PLXDC1: variants seen among roughly 807,000 people sequenced by gnomAD.
The protein encoded by PLXDC1 is plexin domain-containing protein 1.
PLXDC1 carries 39 observed loss-of-function variants against 61.3 expected under a neutral mutation model. That is an observed-to-expected ratio of 0.64 (90% CI 0.49 to 0.83). The LOEUF is 0.83. Ranked by LOEUF, PLXDC1 falls within the 40% of genes least tolerant of loss-of-function variation. The pLI, the probability that PLXDC1 is intolerant of heterozygous loss-of-function variation, is 0.00. For missense variants in PLXDC1, 596 were observed against 666.5 expected, an observed-to-expected ratio of 0.89 and a Z score of 1.17; for synonymous variants, 212 against 254.5, an observed-to-expected ratio of 0.83 and a Z score of 1.59.
intron 2 of PLXDC1, among the ~76,000 whole-genome samples, chr17:39,122,384 A>G (rs1911192496): frequency 6.7e-6 from 1 of 148,926 alleles, no homozygotes; most frequent in South Asian, 2.2e-4. Flanking sequence ...GTCTCAAAAA[A>G]AAAAAAAAAA....
chr17:39,115,656 G>A (rs1749865695), intron 2 of PLXDC1, among the ~76,000 whole-genome samples: 1 of 152,212 alleles, frequency 6.6e-6, no homozygotes, highest in Admixed American at 6.5e-5. Flanking sequence ...CACAAAGCCT[G>A]CAGGGGAGCA....
intron 2 of PLXDC1, among the ~76,000 whole-genome samples, chr17:39,138,518 C>T (rs897785385): frequency 3.9e-5 from 6 of 152,068 alleles, no homozygotes; most frequent in African/African-American, 1.4e-4. Flanking sequence ...CTCCCTGAGC[C>T]GCAGCAGGCC....
At chr17:39,145,544 G>A (rs2045334985) in intron 1 of PLXDC1, among the ~76,000 whole-genome samples, 1 of 152,162 alleles carries the variant, frequency 6.6e-6, no homozygotes, top group Non-Finnish European at 1.5e-5. Context: ...CCTAGAGGGT[G>A]AACTTGATTC....
At position 39,095,237 on chromosome 17, in the gene PLXDC1, G is replaced by A. The variant is rs188962658; in HGVS notation, c.812-7535C>T. On this transcript the variant is annotated intron_variant, in intron 7 of 13. Coordinates refer to ENST00000315392, the MANE Select transcript of PLXDC1 (RefSeq NM_020405.5). ...GGAGGCTGAGTGGTGGCAGAAAGGG[G>A]GATGAGGGTGGGGGGTGGAACTATA... is the stretch of plus-strand genomic sequence containing the variant. Among the ~76,000 whole-genome samples, 538 of 151,620 alleles carry A rather than the reference G, an allele frequency of 3.5e-3. 3 individuals carry two copies. Among genetic ancestry groups the A allele is most frequent in the African/African-American group, 0.012 (495 of 41,210 alleles).
At chr17:39,103,771 G>C (rs529725380) in intron 7 of PLXDC1, among the ~76,000 whole-genome samples, 1 of 151,534 alleles carries the variant, frequency 6.6e-6, no homozygotes, top group Non-Finnish European at 1.5e-5. Context: ...ACTCGAACCC[G>C]GGAGGCAAAG....
At chr17:39,128,097 G>GTGTATATA (rs1911379292) in intron 2 of PLXDC1, among the ~76,000 whole-genome samples, 1 of 67,478 alleles carries the variant, frequency 1.5e-5, no homozygotes, top group African/African-American at 7.3e-5. Context: ...CTCTCTATGT[G>GTGTATATA]TATATATATA....
intron 2 of PLXDC1, among the ~76,000 whole-genome samples, chr17:39,127,881 C>A (rs1304836544): frequency 1.5e-5 from 2 of 135,328 alleles, no homozygotes; most frequent in Non-Finnish European, 3.0e-5. Context: ...TGGCGTGAAC[C>A]GAGGAGGTGG....
rs2045373581 is a variant in PLXDC1 at position 39,151,624 on chromosome 17, C to A, written c.-187G>T. 9.6e-7 allele frequency: 1 copy of A among 1,037,838 alleles called. No homozygotes were observed. The highest frequency in any genetic ancestry group is 1.2e-6 in the Non-Finnish European group (1 of 862,288). The allele number at this position is 1,037,838 out of a possible 1,614,324, so 64.3% of individuals were successfully genotyped here. On this transcript the variant is annotated 5_prime_UTR_variant, in exon 1 of 14. Coordinates refer to ENST00000315392, the MANE Select transcript of PLXDC1 (RefSeq NM_020405.5). This position sits in a 1 kb window ranked among gnomAD's most constrained non-coding sequence, Gnocchi z 5.2. ...AGAGCGCGAGCGGAGCTGGAGGCTG[C>A]GGCCTCCGGGAGCAGGCGGGGAGCT... is the stretch of plus-strand genomic sequence containing the variant.
chr17:39,089,622 G>A (rs1237402886), intron 7 of PLXDC1, among the ~76,000 whole-genome samples: 1 of 152,148 alleles, frequency 6.6e-6, no homozygotes, highest in Non-Finnish European at 1.5e-5. Flanking sequence ...GGGGACATAC[G>A]TTTCTCGCTC....
In PLXDC1 at chr17:39,123,748, T is replaced by G. The variant is rs1242733386; in HGVS notation, c.256-14357A>C. 2.6e-5 allele frequency among the ~76,000 whole-genome samples: 4 copies of G among 152,294 alleles called. No individual in the cohort carries two copies. In the East Asian group the frequency reaches 7.7e-4, roughly 29 times the overall value. The stretch of plus-strand genomic sequence containing the variant: ...CATGCCCAGAGGCCCGACAGGCACT[T>G]CATTTCTGACAGCGGGGCAGCATTT... On this transcript the variant is annotated intron_variant, in intron 2 of 13. Coordinates refer to ENST00000315392, the MANE Select transcript of PLXDC1 (RefSeq NM_020405.5).
chr17:39,077,970 C>T lies in PLXDC1; in HGVS notation c.1129G>A (p.Asp377Asn). The T allele has an allele frequency of 1.2e-6, 2 of 1,614,044 alleles. No homozygotes were observed. Among genetic ancestry groups the T allele is most frequent in the Non-Finnish European group, 1.7e-6 (2 of 1,179,946 alleles). The part of the protein sequence containing the change: ...ASPDTSFSPY[D>N]GDLTTTSSSL... ...GAGGAGGTAGTGGTGAGGTCTCCAT[C>T]ATAGGGGCTGAAGGAAGTGTCAGGG... is the stretch of plus-strand genomic sequence containing the variant. The change falls in exon 11 of 14, where the codon GAT becomes AAT. Residue 377 changes from aspartate to asparagine, a missense_variant. Coordinates refer to ENST00000315392, the MANE Select transcript of PLXDC1 (RefSeq NM_020405.5).
chr17:39,120,186 A>C (rs1395353771), intron 2 of PLXDC1, among the ~76,000 whole-genome samples: 2 of 152,110 alleles, frequency 1.3e-5, no homozygotes, highest in Non-Finnish European at 2.9e-5. Context: ...AGTTTCGCTC[A>C]TGTAACACAG....
At chr17:39,102,209 C>T (rs570240132) in intron 7 of PLXDC1, among the ~76,000 whole-genome samples, 1 of 152,262 alleles carries the variant, frequency 6.6e-6, no homozygotes, top group African/African-American at 2.4e-5. Flanking sequence ...GTGCCTGGTG[C>T]TCTGTGCATG....
intron 1 of PLXDC1, among the ~76,000 whole-genome samples, chr17:39,144,142 G>A (rs1912020809): frequency 6.6e-6 from 1 of 152,156 alleles, no homozygotes; most frequent in African/African-American, 2.4e-5. Flanking sequence ...GGACAGGGAG[G>A]GGGCCCAGCT....
chr17:39,135,926 G>A (rs1279474807), intron 2 of PLXDC1, among the ~76,000 whole-genome samples: 2 of 152,106 alleles, frequency 1.3e-5, no homozygotes, highest in Admixed American at 1.3e-4. Flanking sequence ...TGTCCTTTCT[G>A]AACACCCACG....
chr17:39,136,782 A>C (rs977922823), intron 2 of PLXDC1, among the ~76,000 whole-genome samples: 1 of 152,220 alleles, frequency 6.6e-6, no homozygotes, highest in African/African-American at 2.4e-5. Context: ...GAAATTAACA[A>C]TACGATAGTA....
intron 10 of PLXDC1, among the ~76,000 whole-genome samples, 169 bp downstream of exon 10, chr17:39,078,935 G>T (rs1277214328): frequency 6.6e-6 from 1 of 152,182 alleles, no homozygotes; most frequent in Non-Finnish European, 1.5e-5. Context: ...TTCCAAAGTG[G>T]GTCTGATTGG....
Position 39,078,872 on chromosome 17 carries a change from A to G in PLXDC1, c.1050+232T>C, listed in dbSNP as rs76130458. On this transcript the variant is annotated intron_variant, in intron 10 of 13. Transcript: ENST00000315392. ...GAATTCCTTGAGAGCTGCCCACTTA[A>G]GGTCAAGGCATCAGAATGCTCGTCT... is the stretch of plus-strand genomic sequence containing the variant. Among the ~76,000 whole-genome samples, 467 of 152,362 alleles carry G rather than the reference A, an allele frequency of 3.1e-3. 1 individual carries two copies. The highest frequency in any genetic ancestry group is 0.011 in the African/African-American group (462 of 41,588).
upstream of PLXDC1, among the ~76,000 whole-genome samples, chr17:39,152,177 T>G (rs2045378338): frequency 7.5e-6 from 1 of 132,648 alleles, no homozygotes; most frequent in South Asian, 2.6e-4. Context: ...CTCCACCTTA[T>G]CCCTCCACCC....
Sources: gnomAD v4.1 joint callset for allele counts (sites outside exome capture counted in the v4.1 genomes callset) on GRCh38, gnomAD v4.1.1 for gene constraint, Gnocchi (gnomAD v3.1) non-coding constraint, MANE v1.5 for transcripts, NCBI Gene and HGNC (gene_info 2026-07-23, HGNC 2026-07-21) for gene names.